DNAJC27: variants seen among roughly 807,000 people sequenced by gnomAD.
DNAJC27 encodes dnaJ homolog subfamily C member 27.
Under a neutral mutation model 31.4 loss-of-function variants are expected in DNAJC27, and 25 were observed. The observed-to-expected ratio is 0.80, with a 90% CI of 0.58 to 1.11. DNAJC27 has a LOEUF of 1.11. DNAJC27 is among the 50% of genes most tolerant of loss of function. The pLI, the probability that DNAJC27 is intolerant of heterozygous loss-of-function variation, is 0.00. For synonymous variants in DNAJC27, 106 were observed against 112.7 expected (o/e 0.94, Z 0.37); for missense variants, 356 against 347.3 (o/e 1.02, Z -0.20).
chr2:24,971,813 C>G lies in DNAJC27; in HGVS notation c.87+5G>C, dbSNP rs765756817. The G allele has an allele frequency of 5.0e-6, 8 of 1,606,042 alleles. No homozygotes were observed. The highest frequency in any genetic ancestry group is 6.8e-6 in the Non-Finnish European group (8 of 1,177,200). ...GGCCCGCCCCTCCCGGCTCGCTGTACTCACTTTCCCCACTTCGGCGTTGCC... is the reference window on the plus strand; with the variant it reads ...GGCCCGCCCCTCCCGGCTCGCTGTAGTCACTTTCCCCACTTCGGCGTTGCC... On this transcript the variant is annotated splice_donor_5th_base_variant and intron_variant, in intron 1 of 6. Coordinates refer to ENST00000264711, the MANE Select transcript of DNAJC27 (RefSeq NM_016544.3).
intron 5 of DNAJC27, among the ~76,000 whole-genome samples, chr2:24,952,550 A>T (rs1487652329): frequency 6.6e-6 from 1 of 152,200 alleles, no homozygotes; most frequent in Non-Finnish European, 1.5e-5. Flanking sequence ...ACAGTGCTTC[A>T]GTAAATTTTT....
chr2:24,948,632 C>T (rs376516970), intron 6 of DNAJC27, among the ~76,000 whole-genome samples: 2 of 152,128 alleles, frequency 1.3e-5, no homozygotes, highest in Non-Finnish European at 2.9e-5. Flanking sequence ...CCGGCGGTTC[C>T]GATAAACCAG....
At chr2:24,971,607 G>A in intron 1 of DNAJC27, 1 of 485,930 alleles carries the variant, frequency 2.1e-6, no homozygotes, top group Non-Finnish European at 3.7e-6. Flanking sequence ...ACCATCTCCG[G>A]AAGAGTGACG....
In DNAJC27 at chr2:24,952,680, T is replaced by TA. The variant is rs59629202; in HGVS notation, c.529-1127dup. 5.8e-3 allele frequency among the ~76,000 whole-genome samples: 855 copies of TA among 148,322 alleles called. 6 individuals carry two copies. The highest frequency in any genetic ancestry group is 0.017 in the African/African-American group (699 of 40,684). The stretch of plus-strand genomic sequence containing the variant: ...AATTTTTGAGTCTGACAACCGTTGT[T>TA]AAAAAAAAAAGCTGTACCAGTTTAC... On this transcript the variant is annotated intron_variant, in intron 5 of 6. Transcript: ENST00000264711.
intron 1 of DNAJC27, among the ~76,000 whole-genome samples, chr2:24,968,581 A>C (rs1468550308): frequency 6.6e-6 from 1 of 151,866 alleles, no homozygotes; most frequent in Non-Finnish European, 1.5e-5. Context: ...TGACCCCGTG[A>C]ACCGCCCGCC....
intron 2 of DNAJC27, among the ~76,000 whole-genome samples, 176 bp downstream of exon 2, chr2:24,967,035 T>G (rs1666201877): frequency 1.3e-5 from 2 of 152,234 alleles, no homozygotes; most frequent in Admixed American, 6.5e-5. Flanking sequence ...ACAGGCTGAA[T>G]GAATGATATG....
At chr2:24,969,813 CTTCT>C (rs1181741481) in intron 1 of DNAJC27, among the ~76,000 whole-genome samples, 2 of 152,084 alleles carry the variant, frequency 1.3e-5, no homozygotes, top group African/African-American at 4.8e-5. Flanking sequence ...TACAGTTGGT[CTTCT>C]TTCATTTCTT....
chr2:24,955,070 T>C (rs7426005), intron 5 of DNAJC27, among the ~76,000 whole-genome samples: 1 of 152,126 alleles, frequency 6.6e-6, no homozygotes, highest in Non-Finnish European at 1.5e-5. Flanking sequence ...ATGTGATCCA[T>C]AGTCAGGAAA....
intron 6 of DNAJC27, among the ~76,000 whole-genome samples, chr2:24,948,905 C>G (rs754177851): frequency 2.0e-5 from 3 of 152,204 alleles, no homozygotes; most frequent in Non-Finnish European, 4.4e-5. Flanking sequence ...AATGCCCTAG[C>G]CTTTCTCCTT....
rs184601460 is a variant in DNAJC27, at chr2:24,944,171, G to A, written c.*3445C>T. On this transcript the variant is annotated 3_prime_UTR_variant, in exon 7 of 7. Transcript: ENST00000264711. ...TTACAAAACCTTTGATTCAGAGTAA[G>A]CTTGATGGGGTACAGTGGCAAAGGA... 2.0e-5 allele frequency: 3 copies of A among 152,296 alleles called. No individual in the cohort carries two copies. Among genetic ancestry groups the A allele is most frequent in the Admixed American group, 2.0e-4 (3 of 15,288 alleles). 9.4% of individuals were successfully genotyped at this position (152,296 alleles called of 1,614,324 possible).
chr2:24,968,432 G>A (rs953043918), intron 1 of DNAJC27, among the ~76,000 whole-genome samples: 1 of 151,586 alleles, frequency 6.6e-6, no homozygotes, highest in African/African-American at 2.4e-5. Flanking sequence ...TTACAACTAA[G>A]GCAAAATAAT....
intron 3 of DNAJC27, chr2:24,958,558 T>A (rs889771831): frequency 2.9e-5 from 12 of 418,634 alleles, no homozygotes; most frequent in Non-Finnish European, 5.5e-5. Flanking sequence ...AGTTTTGTGA[T>A]CTTGGGCAAG....
chr2:24,962,113 C>T (rs1666055762), intron 3 of DNAJC27, among the ~76,000 whole-genome samples: 1 of 152,104 alleles, frequency 6.6e-6, no homozygotes, highest in Non-Finnish European at 1.5e-5. Context: ...CCATCATCAC[C>T]GAGGCAGCCT....
chr2:24,950,942 A>T (rs948153464), intron 6 of DNAJC27, among the ~76,000 whole-genome samples: 2 of 152,224 alleles, frequency 1.3e-5, no homozygotes, highest in Admixed American at 6.5e-5. Flanking sequence ...TCAAACATAC[A>T]GTGTTCCAGG....
chr2:24,957,869 G>C lies in DNAJC27; in HGVS notation c.346C>G (p.Gln116Glu), dbSNP rs1665945213. Residue 116 changes from glutamine (Q) to glutamate (E), a missense_variant, in exon 4 of 7, where the codon CAA becomes GAA. By Grantham distance (29) the Gln-to-Glu change is conservative. Transcript: ENST00000264711. ...ATGTTTCCATGAGGTCCAAGCTCTT[G>C]CTTCATTTCTGCCAGCCACGCATCA... The part of the protein sequence containing the change: ...ALDAWLAEMK[Q>E]ELGPHGNMEN... The C allele has an allele frequency of 6.2e-7, 1 of 1,614,186 alleles. No homozygotes were observed. Among genetic ancestry groups the C allele is most frequent in the Non-Finnish European group, 8.5e-7 (1 of 1,180,034 alleles).
At chr2:24,960,426 T>C (rs1666012414) in intron 3 of DNAJC27, among the ~76,000 whole-genome samples, 1 of 152,198 alleles carries the variant, frequency 6.6e-6, no homozygotes, top group South Asian at 2.1e-4. Flanking sequence ...TACAACGGCC[T>C]CTAAGTGTTC....
intron 1 of DNAJC27, 118 bp downstream of exon 1, chr2:24,971,700 G>A (rs1201574941): frequency 8.3e-6 from 7 of 841,262 alleles, no homozygotes; most frequent in East Asian, 3.1e-5. Context: ...TGAGACCCGG[G>A]CCTGCTCGGG....
At chr2:24,949,338 C>T (rs894000069) in intron 6 of DNAJC27, among the ~76,000 whole-genome samples, 1 of 152,174 alleles carries the variant, frequency 6.6e-6, no homozygotes, top group Non-Finnish European at 1.5e-5. Flanking sequence ...CTGGGAAGGG[C>T]CCTTCCAGCC....
intron 3 of DNAJC27, chr2:24,958,527 C>A: frequency 2.6e-6 from 1 of 382,154 alleles, no homozygotes; most frequent in Non-Finnish European, 5.5e-6. Context: ...TCAGACAGAT[C>A]TGGGTTCACA....
Sources: gnomAD v4.1 joint callset for allele counts (sites outside exome capture counted in the v4.1 genomes callset) on GRCh38, gnomAD v4.1.1 for gene constraint, MANE v1.5 for transcripts, NCBI Gene and HGNC (gene_info 2026-07-23, HGNC 2026-07-21) for gene names.